The following SPOCK1 variants were observed in gnomAD, a reference collection of about 807,000 sequenced individuals.
SPOCK1 encodes SPARC (osteonectin), cwcv and kazal like domains proteoglycan 1.
Under a neutral mutation model 55.3 loss-of-function variants are expected in SPOCK1, and 23 were observed. The observed-to-expected ratio is 0.42, with a 90% confidence interval of 0.30 to 0.59. The LOEUF (loss-of-function observed/expected upper bound fraction) is 0.59, where lower values mean the gene tolerates loss of function less well. SPOCK1 is among the 20% of genes least tolerant of loss of function. SPOCK1 has a pLI of 0.22. For synonymous variants in SPOCK1, 226 were observed against 221.0 expected, an observed-to-expected ratio of 1.02 and a Z score of -0.20; for missense variants, 499 against 552.5, an observed-to-expected ratio of 0.90 and a Z score of 0.97.
At chr5:136,995,379 A>T (rs1056597982) in intron 6 of SPOCK1, among the ~76,000 whole-genome samples, 1 of 152,208 alleles carries the variant, frequency 6.6e-6, no homozygotes, top group Non-Finnish European at 1.5e-5. Flanking sequence ...GGCTTAGCCC[A>T]GGTGCCAAGG....
chr5:137,342,241 C>T (rs751301047), intron 2 of SPOCK1, among the ~76,000 whole-genome samples: 3 of 152,138 alleles, frequency 2.0e-5, no homozygotes, highest in Non-Finnish European at 4.4e-5. Flanking sequence ...TATGCCATTG[C>T]CCTGATGCAC....
chr5:137,015,285 CAAAAAA>C (rs11440015), intron 6 of SPOCK1, among the ~76,000 whole-genome samples: 2 of 139,400 alleles, frequency 1.4e-5, no homozygotes, highest in African/African-American at 2.6e-5. Context: ...ACTAAAAATA[CAAAAAA>C]AAAAAAAAAT....
At chr5:137,088,816 T>C (rs1747506623) in intron 5 of SPOCK1, among the ~76,000 whole-genome samples, 1 of 152,056 alleles carries the variant, frequency 6.6e-6, no homozygotes, top group Non-Finnish European at 1.5e-5. Flanking sequence ...GGAAAGCCAT[T>C]GTAGGGAGAA....
intron 2 of SPOCK1, among the ~76,000 whole-genome samples, chr5:137,446,943 T>C (rs2149833575): frequency 6.6e-6 from 1 of 152,362 alleles, no homozygotes; most frequent in South Asian, 2.1e-4. Context: ...TTTAGCTTTA[T>C]GTCTTCAACT....
chr5:137,103,555 G>A (rs1183408537), intron 5 of SPOCK1, among the ~76,000 whole-genome samples: 1 of 152,216 alleles, frequency 6.6e-6, no homozygotes, highest in African/African-American at 2.4e-5. Flanking sequence ...CAGACTAAAA[G>A]GATCCTGGTC....
chr5:137,247,246 C>T (rs1756413404), intron 3 of SPOCK1, among the ~76,000 whole-genome samples: 1 of 152,092 alleles, frequency 6.6e-6, no homozygotes, highest in African/African-American at 2.4e-5. Flanking sequence ...AAAATGGGTG[C>T]CTGGCCCAGG....
intron 5 of SPOCK1, among the ~76,000 whole-genome samples, chr5:137,097,372 T>G (rs372773110): frequency 1.4e-4 from 22 of 152,230 alleles, no homozygotes; most frequent in African/African-American, 3.9e-4. Flanking sequence ...TGCTGCTCGC[T>G]TAGTCTTCCA....
chr5:137,201,422 G>A (rs1267901786), intron 3 of SPOCK1, among the ~76,000 whole-genome samples: 1 of 152,116 alleles, frequency 6.6e-6, no homozygotes, highest in Non-Finnish European at 1.5e-5. Flanking sequence ...TGGGGGAGAA[G>A]GACTGCTCTA....
At position 137,383,869 on chromosome 5, in the gene SPOCK1, A is replaced by G. The variant is rs2127176168; in HGVS notation, c.186+114504T>C. Among the ~76,000 whole-genome samples, 3 of 152,318 alleles carry G rather than the reference A, an allele frequency of 2.0e-5. No homozygotes were observed. In the Middle Eastern group the frequency reaches 0.01, roughly 518 times the overall value. On this transcript the variant is annotated intron_variant, in intron 2 of 10. Transcript: ENST00000394945. ...CTGAATCATTTGCAATTTAAAATGAAGCTCCCGGTAAAACTCAGCACTGGC... is the reference window on the plus strand; with the variant it reads ...CTGAATCATTTGCAATTTAAAATGAGGCTCCCGGTAAAACTCAGCACTGGC...
At chr5:137,424,785 T>A (rs1752572753) in intron 2 of SPOCK1, among the ~76,000 whole-genome samples, 1 of 152,212 alleles carries the variant, frequency 6.6e-6, no homozygotes, top group Non-Finnish European at 1.5e-5. Context: ...ATAAAATTTA[T>A]CTACGGTGAC....
intron 2 of SPOCK1, among the ~76,000 whole-genome samples, chr5:137,302,555 C>T (rs900829576): frequency 2.0e-5 from 3 of 150,674 alleles, no homozygotes; most frequent in Admixed American, 6.6e-5. Flanking sequence ...CCAGCCTGGG[C>T]AACAGAGTGA....
intron 3 of SPOCK1, among the ~76,000 whole-genome samples, chr5:137,209,549 G>C (rs1248286568): frequency 6.6e-6 from 1 of 152,194 alleles, no homozygotes; most frequent in Non-Finnish European, 1.5e-5. Context: ...AGAACCTCGA[G>C]AGTGGCTTCT....
chr5:137,222,850 A>G (rs1202888648), intron 3 of SPOCK1, among the ~76,000 whole-genome samples: 1 of 152,254 alleles, frequency 6.6e-6, no homozygotes, highest in Non-Finnish European at 1.5e-5. Flanking sequence ...TTGAGGGATG[A>G]AAACAAAATC....
intron 2 of SPOCK1, among the ~76,000 whole-genome samples, chr5:137,437,699 T>C (rs976002533): frequency 1.3e-5 from 2 of 152,366 alleles, no homozygotes; most frequent in East Asian, 3.9e-4. Context: ...GTACTTGGGA[T>C]ATCTAGTACC....
intron 4 of SPOCK1, among the ~76,000 whole-genome samples, chr5:137,138,504 T>TACACACAC (rs34293195): frequency 0.23 from 34,549 of 147,480 alleles, 4,829 homozygotes; most frequent in East Asian, 0.35. Context: ...CACACAAACA[T>TACACACAC]ACACACACAC....
chr5:137,380,674 T>A (rs1397493275), intron 2 of SPOCK1, among the ~76,000 whole-genome samples: 1 of 152,142 alleles, frequency 6.6e-6, no homozygotes, highest in Admixed American at 6.5e-5. Context: ...TCAGATCTCA[T>A]GAGAATTTAC....
intron 8 of SPOCK1, among the ~76,000 whole-genome samples, chr5:136,986,807 A>G (rs1750851424): frequency 6.6e-6 from 1 of 152,184 alleles, no homozygotes; most frequent in Non-Finnish European, 1.5e-5. Context: ...ATCCTGTTCT[A>G]AAACAAAATG....
At chr5:137,445,113 A>G (rs1394444562) in intron 2 of SPOCK1, among the ~76,000 whole-genome samples, 1 of 152,172 alleles carries the variant, frequency 6.6e-6, no homozygotes, top group Non-Finnish European at 1.5e-5. Flanking sequence ...ACACTCCAAA[A>G]GGAAAGTCCA....
chr5:137,074,945 A>C (rs997054683), intron 5 of SPOCK1, among the ~76,000 whole-genome samples: 5 of 151,960 alleles, frequency 3.3e-5, no homozygotes, highest in African/African-American at 7.3e-5. Flanking sequence ...CCTCGTGATC[A>C]GCCCACCTCG....
Sources: gnomAD v4.1 joint callset for allele counts (sites outside exome capture counted in the v4.1 genomes callset) on GRCh38, gnomAD v4.1.1 for gene constraint, MANE v1.5 for transcripts, NCBI Gene and HGNC (gene_info 2026-07-23, HGNC 2026-07-21) for gene names.